ATF7IP: variants seen among roughly 807,000 people sequenced by gnomAD.
ATF7IP encodes the protein activating transcription factor 7-interacting protein 1.
Under a neutral mutation model 106.4 loss-of-function variants are expected in ATF7IP, and 23 were observed. The ratio of observed to expected loss-of-function variants is 0.22; its 90% CI spans 0.16 to 0.31. The LOEUF is 0.31. ATF7IP is among the 10% of genes least tolerant of loss of function. The pLI is 1.00. For synonymous variants in ATF7IP, 542 were observed against 539.0 expected (o/e 1.01, Z -0.08); for missense variants, 1,334 against 1,524.3 (o/e 0.88, Z 2.08).
intron 13 of ATF7IP, among the ~76,000 whole-genome samples, chr12:14,494,132 T>C (rs932114350): frequency 6.6e-6 from 1 of 151,006 alleles, no homozygotes; most frequent in Non-Finnish European, 1.5e-5. Flanking sequence ...AATTAGAGTT[T>C]TTAACATTTT....
In ATF7IP at chr12:14,478,333, T is replaced by C; in HGVS notation, c.2958T>C (p.Asn986=). The C allele has an allele frequency of 6.2e-7, 1 of 1,613,808 alleles. No homozygotes were observed. Among genetic ancestry groups the C allele is most frequent in the East Asian group, 2.2e-5 (1 of 44,864 alleles). ...SGASQDPKKL[N]HTPVSTMSSS... is the part of the protein sequence containing the mutation. ...AACTAACAGACCCCAAAAAACTAAATCACACTCCTGTATCAACCATGAGTT... is the reference window on the plus strand; with the variant it reads ...AACTAACAGACCCCAAAAAACTAAACCACACTCCTGTATCAACCATGAGTT... Residue 986 remains asparagine (N), a synonymous_variant, in exon 12 of 15, where the codon AAT becomes AAC. Coordinates refer to ENST00000261168, the MANE Select transcript of ATF7IP (RefSeq NM_018179.5).
intron 5 of ATF7IP, among the ~76,000 whole-genome samples, chr12:14,445,041 G>C (rs148545602): frequency 0.015 from 2,295 of 149,124 alleles, 23 homozygotes; most frequent in Non-Finnish European, 0.019. Flanking sequence ...ATCCAGGCTG[G>C]AGTGCAGTGG....
intron 10 of ATF7IP, among the ~76,000 whole-genome samples, chr12:14,472,453 G>A (rs1944085641): frequency 6.6e-6 from 1 of 152,084 alleles, no homozygotes; most frequent in Admixed American, 6.6e-5. Context: ...AGTTGCTATT[G>A]CCCAGCTTGA....
chr12:14,395,556 G>A (rs1939791778), intron 1 of ATF7IP, among the ~76,000 whole-genome samples: 1 of 152,038 alleles, frequency 6.6e-6, no homozygotes, highest in Admixed American at 6.5e-5. Flanking sequence ...ATCAGTTTTA[G>A]ATCTCTTTTC....
At chr12:14,435,654 A>AT (rs1474289510) in intron 3 of ATF7IP, among the ~76,000 whole-genome samples, 2 of 152,218 alleles carry the variant, frequency 1.3e-5, no homozygotes, top group African/African-American at 4.8e-5. Context: ...AAGGCTGATG[A>AT]TTAAGAATTT....
At chr12:14,464,406 G>T (rs540101100) in intron 9 of ATF7IP, among the ~76,000 whole-genome samples, 1 of 152,200 alleles carries the variant, frequency 6.6e-6, no homozygotes, top group Non-Finnish European at 1.5e-5. Context: ...TTAAATGAGC[G>T]AAGTGTTTGC....
intron 1 of ATF7IP, among the ~76,000 whole-genome samples, chr12:14,389,556 G>A (rs1479040135): frequency 1.3e-5 from 2 of 152,164 alleles, no homozygotes; most frequent in Non-Finnish European, 2.9e-5. Context: ...CATTTTCAGA[G>A]CTATAAACTG....
intron 2 of ATF7IP, among the ~76,000 whole-genome samples, chr12:14,431,718 T>C (rs1216018224): frequency 6.6e-6 from 1 of 152,108 alleles, no homozygotes; most frequent in Non-Finnish European, 1.5e-5. Context: ...GTTAACCTAC[T>C]ATTTGGATGA....
intron 8 of ATF7IP, among the ~76,000 whole-genome samples, chr12:14,458,705 C>T (rs1029890879): frequency 1.3e-5 from 2 of 152,080 alleles, no homozygotes; most frequent in Admixed American, 6.6e-5. Context: ...CAACTGTGGT[C>T]CCAGCTACTC....
At chr12:14,412,945 C>T (rs926743736) in intron 1 of ATF7IP, among the ~76,000 whole-genome samples, 14 of 152,244 alleles carry the variant, frequency 9.2e-5, no homozygotes, top group South Asian at 6.2e-4. Context: ...ACCCAGGAGG[C>T]GGAGGCTACA....
chr12:14,402,784 G>A (rs1940326638), intron 1 of ATF7IP, among the ~76,000 whole-genome samples: 1 of 151,960 alleles, frequency 6.6e-6, no homozygotes, highest in African/African-American at 2.4e-5. Context: ...TTTTAGTAGA[G>A]ACGGAGTTTC....
At chr12:14,480,835 T>G (rs1267681967) in intron 12 of ATF7IP, among the ~76,000 whole-genome samples, 168 bp from the exon 13 acceptor site, 3 of 152,208 alleles carry the variant, frequency 2.0e-5, no homozygotes, top group Admixed American at 1.3e-4. Flanking sequence ...TTATTAATGT[T>G]TATTGGCCCT....
chr12:14,445,601 A>G (rs1179236007), intron 5 of ATF7IP, among the ~76,000 whole-genome samples: 1 of 152,218 alleles, frequency 6.6e-6, no homozygotes, highest in African/African-American at 2.4e-5. Flanking sequence ...AATAACATGC[A>G]TAAATAACTA....
At position 14,378,526 on chromosome 12, in the gene ATF7IP, A is replaced by G. The variant is rs562133355; in HGVS notation, c.-8+12699A>G. Reference sequence around the variant, plus strand: ...ATCTCTGAGGGGGAAAGATATTACTATTTCTATAAAGTATACCTTAAGTTG... The same window carrying G: ...ATCTCTGAGGGGGAAAGATATTACTGTTTCTATAAAGTATACCTTAAGTTG... On this transcript the variant is annotated intron_variant, in intron 1 of 14. Transcript: ENST00000261168. Among the ~76,000 whole-genome samples the G allele has an allele frequency of 6.6e-5, 10 of 152,340 alleles. No homozygotes were observed. The South Asian group carries it at 1.9e-3, about 28-fold the overall frequency.
intron 5 of ATF7IP, among the ~76,000 whole-genome samples, chr12:14,445,493 C>A (rs1259454773): frequency 1.3e-5 from 2 of 152,012 alleles, no homozygotes; most frequent in African/African-American, 2.4e-5. Context: ...CCTGGCTTTC[C>A]CATTTACCTT....
chr12:14,395,075 T>A (rs1939763702), intron 1 of ATF7IP: 1 of 152,118 alleles, frequency 6.6e-6, no homozygotes, highest in African/African-American at 2.4e-5. Flanking sequence ...AATTTTAATA[T>A]GTAGCCAACC....
intron 1 of ATF7IP, 89 bp from the exon 2 acceptor site, chr12:14,423,820 G>GC: frequency 7.3e-7 from 1 of 1,373,690 alleles, no homozygotes; most frequent in Non-Finnish European, 9.8e-7. Flanking sequence ...TGTGCTGCTT[G>GC]CATCTCTTCT....
At chr12:14,440,771 T>C (rs1256226135) in intron 5 of ATF7IP, among the ~76,000 whole-genome samples, 1 of 152,266 alleles carries the variant, frequency 6.6e-6, no homozygotes, top group East Asian at 1.9e-4. Context: ...CATTTGCTCT[T>C]CTTTTCCTCT....
At chr12:14,433,935 T>C (rs1254487250) in intron 2 of ATF7IP, among the ~76,000 whole-genome samples, 1 of 152,240 alleles carries the variant, frequency 6.6e-6, no homozygotes, top group African/African-American at 2.4e-5. Flanking sequence ...GTTTTGAATT[T>C]TCCAGTAGTT....
Sources: allele counts gnomAD v4.1 joint callset (sites outside exome capture counted in the v4.1 genomes callset), GRCh38; gene constraint gnomAD v4.1.1; transcripts MANE v1.5; gene names NCBI Gene and HGNC (gene_info 2026-07-23, HGNC 2026-07-21).